NEO1: variants seen among roughly 807,000 people sequenced by gnomAD.
NEO1 encodes the protein neogenin.
Under a neutral mutation model 159.7 loss-of-function variants are expected in NEO1, and 63 were observed. The ratio of observed to expected loss-of-function variants is 0.39; its 90% confidence interval spans 0.32 to 0.49. The LOEUF (loss-of-function observed/expected upper bound fraction) is 0.49. Among genes scored for constraint, NEO1 ranks in the 20% least tolerant of loss-of-function variants. The pLI, the probability that NEO1 is intolerant of heterozygous loss-of-function variation, is 0.85. For synonymous variants in NEO1, 633 were observed against 662.0 expected (o/e 0.96, Z 0.67); for missense variants, 1,615 against 1,831.0 (o/e 0.88, Z 2.15).
rs3743491 is a variant in NEO1 at position 73,302,693 on chromosome 15, A to G, written c.4383A>G (p.Ala1461=). 9.2e-4 allele frequency: 1,491 copies of G among 1,613,830 alleles called. 19 individuals carry two copies. In the East Asian group the frequency reaches 0.03, roughly 32 times the overall value. Residue 1461 remains alanine (A), a synonymous_variant, in exon 29 of 29, where the codon GCA becomes GCG. Coordinates refer to ENST00000261908, the MANE Select transcript of NEO1 (RefSeq NM_002499.4). ...LMKDLNAITT[A] ...AGGACCTAAACGCTATCACAACAGC[A>G]TGACGACCTTCACCAGGACCTGACT...
intron 1 of NEO1, among the ~76,000 whole-genome samples, chr15:73,088,866 G>C (rs988333372): frequency 5.3e-5 from 8 of 152,050 alleles, no homozygotes; most frequent in African/African-American, 1.9e-4. Flanking sequence ...GTAAAGTCTT[G>C]AGGCTAGAAA....
chr15:73,186,922 G>T (rs1254513999), intron 7 of NEO1, among the ~76,000 whole-genome samples: 1 of 152,136 alleles, frequency 6.6e-6, no homozygotes, highest in Non-Finnish European at 1.5e-5. Context: ...CTGCTCCGGT[G>T]AAACTTTGTT....
chr15:73,187,745 A>G (rs150894256), intron 7 of NEO1, among the ~76,000 whole-genome samples: 1 of 152,274 alleles, frequency 6.6e-6, no homozygotes, highest in Non-Finnish European at 1.5e-5. Context: ...GCGAATCTCA[A>G]TCTAGTCCAT....
chr15:73,243,443 T>G (rs570690331), intron 8 of NEO1, among the ~76,000 whole-genome samples: 2 of 152,346 alleles, frequency 1.3e-5, no homozygotes, highest in East Asian at 3.9e-4. Flanking sequence ...AAGACAGGTA[T>G]AGCTGTTTCC....
intron 7 of NEO1, among the ~76,000 whole-genome samples, chr15:73,191,878 G>C (rs1199175604): frequency 6.6e-6 from 1 of 151,924 alleles, no homozygotes; most frequent in African/African-American, 2.4e-5. Flanking sequence ...TTACTTTCTA[G>C]AGATAACCCT....
At chr15:73,172,799 A>C (rs189950250) in intron 5 of NEO1, among the ~76,000 whole-genome samples, 2 of 152,330 alleles carry the variant, frequency 1.3e-5, no homozygotes, top group African/African-American at 4.8e-5. Context: ...AGCAGGAACA[A>C]AGAAACAGTG....
At chr15:73,161,925 C>A (rs1242663066) in intron 5 of NEO1, 1 of 198,240 alleles carries the variant, frequency 5.0e-6, no homozygotes, top group Non-Finnish European at 1.1e-5. Context: ...TTAATGTCTT[C>A]TACAGAACTA....
chr15:73,262,407 CAATAAT>C (rs1385150608), intron 15 of NEO1, among the ~76,000 whole-genome samples: 2 of 151,988 alleles, frequency 1.3e-5, no homozygotes, highest in Non-Finnish European at 2.9e-5. Flanking sequence ...TCTTACAACT[CAATAAT>C]AAGAAGGTAA....
Position 73,052,626 on chromosome 15 carries a change from AG to A in NEO1, c.-47del. 8.6e-7 allele frequency: 1 copy of A among 1,159,056 alleles called. No homozygotes were observed. Among genetic ancestry groups the A allele is most frequent in the Non-Finnish European group, 1.1e-6 (1 of 930,372 alleles). The allele number at this position is 1,159,056 out of a possible 1,614,324, so 71.8% of individuals were successfully genotyped here. A position where few individuals can be genotyped will look rare whatever the true frequency, so the allele number is the denominator to read the frequency against. Reference sequence around the variant, plus strand: ...GAGGCGCGCGGGAGGGAAGGAGGCAAGGGCTCCGCGGCGCTGTCGCCGCCGC... The same window carrying A: ...GAGGCGCGCGGGAGGGAAGGAGGCAAGGCTCCGCGGCGCTGTCGCCGCCGC... On this transcript the variant is annotated 5_prime_UTR_variant, in exon 1 of 29. Coordinates refer to ENST00000261908, the MANE Select transcript of NEO1 (RefSeq NM_002499.4).
At chr15:73,134,972 G>A (rs1157002945) in intron 4 of NEO1, among the ~76,000 whole-genome samples, 6 of 152,112 alleles carry the variant, frequency 3.9e-5, no homozygotes, top group Non-Finnish European at 8.8e-5. Context: ...AAAAATGTAT[G>A]TATACATTTA....
At chr15:73,177,023 G>A (rs559528720) in intron 6 of NEO1, among the ~76,000 whole-genome samples, 1 of 152,212 alleles carries the variant, frequency 6.6e-6, no homozygotes, top group South Asian at 2.1e-4. Context: ...ACCTTAAATC[G>A]TATACCGATG....
At position 73,249,277 on chromosome 15, in the gene NEO1, A is replaced by C. The variant is rs375966885; in HGVS notation, c.1755+69A>C. 58 of 1,516,478 alleles carry C rather than the reference A, an allele frequency of 3.8e-5. No homozygotes were observed. The South Asian group carries it at 6.2e-4, about 16-fold the overall frequency. The allele number at this position is 1,516,478 out of a possible 1,614,324, so 93.9% of individuals were successfully genotyped here. A position where few individuals can be genotyped will look rare whatever the true frequency, so the allele number is the denominator to read the frequency against. ...GAGTTGAAATATATTTCCAAAACTCAGTAGTTGCTTGACTGGAAATGTGAG... is the reference window on the plus strand; with the variant it reads ...GAGTTGAAATATATTTCCAAAACTCCGTAGTTGCTTGACTGGAAATGTGAG... On this transcript the variant is annotated intron_variant, in intron 10 of 28. Coordinates refer to ENST00000261908, the MANE Select transcript of NEO1 (RefSeq NM_002499.4).
Position 73,084,109 on chromosome 15 carries a change from C to T in NEO1, c.130+31304C>T, listed in dbSNP as rs571206201. Among the ~76,000 whole-genome samples the T allele has an allele frequency of 8.6e-3, 1,310 of 151,862 alleles. 22 individuals carry two copies. Among genetic ancestry groups the T allele is most frequent in the African/African-American group, 0.03 (1,237 of 41,396 alleles). The stretch of plus-strand genomic sequence containing the variant: ...CATATGTATTACCTCATATACTTAA[C>T]GTTTTTCTGTAGTGAGAATGGTTAA... On this transcript the variant is annotated intron_variant, in intron 1 of 28. Coordinates refer to ENST00000261908, the MANE Select transcript of NEO1 (RefSeq NM_002499.4).
chr15:73,067,282 A>C (rs923705158), intron 1 of NEO1, among the ~76,000 whole-genome samples: 19 of 152,122 alleles, frequency 1.2e-4, no homozygotes, highest in African/African-American at 4.6e-4. Flanking sequence ...ATATTCTAAA[A>C]TTTGTTTCTC....
At chr15:73,286,081 A>ACCCCCC (rs1567697781) in intron 23 of NEO1, among the ~76,000 whole-genome samples, 34 of 47,718 alleles carry the variant, frequency 7.1e-4, no homozygotes, top group Non-Finnish European at 1.0e-3. Flanking sequence ...CCCCACCCCC[A>ACCCCCC]CCCCCTGTAT....
At chr15:73,194,673 A>G (rs1262145154) in intron 7 of NEO1, among the ~76,000 whole-genome samples, 1 of 152,206 alleles carries the variant, frequency 6.6e-6, no homozygotes, top group East Asian at 1.9e-4. Flanking sequence ...TGGAGATCAA[A>G]TTTCAACATG....
At chr15:73,266,149 G>A (rs1375076367) in intron 15 of NEO1, among the ~76,000 whole-genome samples, 167 bp from the exon 16 acceptor site, 1 of 152,152 alleles carries the variant, frequency 6.6e-6, no homozygotes, top group African/African-American at 2.4e-5. Context: ...TCTGTACTGT[G>A]TGTACTTCCA....
intron 1 of NEO1, among the ~76,000 whole-genome samples, chr15:73,088,420 C>A (rs911246548): frequency 2.6e-5 from 4 of 151,962 alleles, no homozygotes; most frequent in African/African-American, 4.8e-5. Context: ...AGGAACTGTG[C>A]TTCTTTTAGG....
chr15:73,139,966 A>G (rs1459535169), intron 5 of NEO1, among the ~76,000 whole-genome samples: 1 of 152,240 alleles, frequency 6.6e-6, no homozygotes, highest in Non-Finnish European at 1.5e-5. Context: ...TCAGTAAGAT[A>G]AACAAAGACA....
Sources: gnomAD v4.1 joint callset for allele counts (sites outside exome capture counted in the v4.1 genomes callset) on GRCh38, gnomAD v4.1.1 for gene constraint, MANE v1.5 for transcripts, NCBI Gene and HGNC (gene_info 2026-07-23, HGNC 2026-07-21) for gene names.